Variants in NKAIN3 observed in about 807,000 individuals in gnomAD.
The protein encoded by NKAIN3 is sodium/potassium transporting ATPase interacting 3.
A neutral mutation model predicts 30.2 loss-of-function variants in NKAIN3; 25 were observed. The ratio of observed to expected loss-of-function variants is 0.83; its 90% CI spans 0.60 to 1.16. The LOEUF (loss-of-function observed/expected upper bound fraction) is 1.16, where lower values mean the gene tolerates loss of function less well. Ranked by LOEUF, NKAIN3 falls within the 50% of genes most tolerant of loss-of-function variation. The pLI is 0.00. For missense variants in NKAIN3, 225 were observed against 254.1 expected, an observed-to-expected ratio of 0.89 and a Z score of 0.78; for synonymous variants, 91 against 89.6, an observed-to-expected ratio of 1.02 and a Z score of -0.09.
intron 1 of NKAIN3, among the ~76,000 whole-genome samples, chr8:62,514,092 A>G (rs779435518): frequency 2.6e-5 from 4 of 152,076 alleles, no homozygotes; most frequent in Non-Finnish European, 5.9e-5. Context: ...TAAGACTAAC[A>G]GGAATCCTTG....
At position 62,331,014 on chromosome 8, in the gene NKAIN3, A is replaced by T. The variant is rs12547693; in HGVS notation, c.54+81887A>T. On this transcript the variant is annotated intron_variant, in intron 1 of 6. Transcript: ENST00000623646. ...TCTCTCTCTCTTTCTCTCTCTCTCT[A>T]TATATATGTATGTATCTCCCTTCCT... Among the ~76,000 whole-genome samples, 11 of 148,378 alleles carry T rather than the reference A, an allele frequency of 7.4e-5. 1 individual carries two copies. The highest frequency in any genetic ancestry group is 2.7e-4 in the African/African-American group (11 of 40,146).
At chr8:62,477,604 A>T (rs1806563163) in intron 1 of NKAIN3, among the ~76,000 whole-genome samples, 1 of 152,126 alleles carries the variant, frequency 6.6e-6, no homozygotes, top group African/African-American at 2.4e-5. Flanking sequence ...TTGCTAGGAG[A>T]TGAGGATGCT....
At chr8:62,519,132 A>C (rs1351326861) in intron 1 of NKAIN3, among the ~76,000 whole-genome samples, 1 of 152,178 alleles carries the variant, frequency 6.6e-6, no homozygotes, top group Non-Finnish European at 1.5e-5. Flanking sequence ...GCCTTCAGTG[A>C]GCTTCTAATA....
At chr8:62,881,185 C>T (rs756259721) in intron 4 of NKAIN3, among the ~76,000 whole-genome samples, 8 of 152,176 alleles carry the variant, frequency 5.3e-5, no homozygotes, top group Non-Finnish European at 8.8e-5. Context: ...TGACACTGTA[C>T]ATTCTATGGA....
intron 3 of NKAIN3, among the ~76,000 whole-genome samples, chr8:62,727,679 G>T (rs1019773605): frequency 6.6e-6 from 1 of 152,078 alleles, no homozygotes; most frequent in Non-Finnish European, 1.5e-5. Flanking sequence ...ACAAAATTCT[G>T]ATGAAAGAAA....
intron 2 of NKAIN3, among the ~76,000 whole-genome samples, chr8:62,580,770 C>T (rs771886450): frequency 3.3e-5 from 5 of 151,982 alleles, no homozygotes; most frequent in Non-Finnish European, 7.4e-5. Context: ...CAGGGTTAAA[C>T]AATTTCTGCT....
At chr8:62,364,848 A>AAAT (rs1816686755) in intron 1 of NKAIN3, among the ~76,000 whole-genome samples, 1 of 151,198 alleles carries the variant, frequency 6.6e-6, no homozygotes, top group South Asian at 2.1e-4. Flanking sequence ...AAAAAAAAAA[A>AAAT]AAATCATCTA....
At chr8:62,334,856 C>G (rs935650106) in intron 1 of NKAIN3, among the ~76,000 whole-genome samples, 12 of 151,992 alleles carry the variant, frequency 7.9e-5, no homozygotes, top group Admixed American at 4.6e-4. Context: ...CTCATTCTCC[C>G]TGTGTGCTCA....
At chr8:62,450,687 G>C (rs1275917311) in intron 1 of NKAIN3, among the ~76,000 whole-genome samples, 2 of 152,206 alleles carry the variant, frequency 1.3e-5, no homozygotes, top group Non-Finnish European at 2.9e-5. Context: ...AGCCCAGGCA[G>C]TGTAGCTCCA....
At chr8:62,282,902 G>C (rs951953840) in intron 1 of NKAIN3, among the ~76,000 whole-genome samples, 2 of 151,874 alleles carry the variant, frequency 1.3e-5, no homozygotes, top group African/African-American at 4.8e-5. Flanking sequence ...CCTCATTACT[G>C]TACTATGTAA....
intron 1 of NKAIN3, among the ~76,000 whole-genome samples, chr8:62,354,113 T>C (rs1816271076): frequency 6.6e-6 from 1 of 152,200 alleles, no homozygotes; most frequent in African/African-American, 2.4e-5. Context: ...CATGAATATC[T>C]CAAAGCTTTA....
At chr8:62,833,413 A>G (rs1179044525) in intron 4 of NKAIN3, among the ~76,000 whole-genome samples, 1 of 152,028 alleles carries the variant, frequency 6.6e-6, no homozygotes, top group Non-Finnish European at 1.5e-5. Context: ...AACAATAAAC[A>G]AGATTGACCA....
intron 4 of NKAIN3, among the ~76,000 whole-genome samples, chr8:62,819,316 A>G (rs1248118717): frequency 6.6e-6 from 1 of 151,864 alleles, no homozygotes; most frequent in Non-Finnish European, 1.5e-5. Flanking sequence ...TGTGGAAGAT[A>G]GATGACATAT....
intron 4 of NKAIN3, among the ~76,000 whole-genome samples, chr8:62,869,287 T>C (rs1820517789): frequency 6.6e-6 from 1 of 152,140 alleles, no homozygotes. Context: ...GCATTAGATA[T>C]TTGTCCTAAT....
At chr8:62,737,093 G>A (rs2130558997) in intron 3 of NKAIN3, among the ~76,000 whole-genome samples, 1 of 152,294 alleles carries the variant, frequency 6.6e-6, no homozygotes, top group Non-Finnish European at 1.5e-5. Context: ...CAAAGGGTCT[G>A]TGGATTCTCT....
intron 1 of NKAIN3, among the ~76,000 whole-genome samples, chr8:62,263,228 T>C (rs1206774415): frequency 6.6e-6 from 1 of 152,188 alleles, no homozygotes; most frequent in East Asian, 1.9e-4. Context: ...GTTTCCAAAA[T>C]CCTGGTTAAT....
intron 3 of NKAIN3, among the ~76,000 whole-genome samples, chr8:62,695,699 A>T (rs574801205): frequency 6.6e-6 from 1 of 152,314 alleles, no homozygotes; most frequent in East Asian, 1.9e-4. Flanking sequence ...TATGCTGTGC[A>T]CAATGCTAGC....
intron 3 of NKAIN3, among the ~76,000 whole-genome samples, chr8:62,661,497 G>T (rs1812942665): frequency 6.6e-6 from 1 of 152,180 alleles, no homozygotes; most frequent in Admixed American, 6.5e-5. Flanking sequence ...CCAAGAAGGT[G>T]GGGGAGATTT....
At chr8:62,254,217 G>A (rs976683691) in intron 1 of NKAIN3, among the ~76,000 whole-genome samples, 53 of 149,668 alleles carry the variant, frequency 3.5e-4, no homozygotes, top group Non-Finnish European at 1.0e-4. Context: ...TAGCAGATGT[G>A]TTTGGATACA....
Sources: gnomAD v4.1 joint callset for allele counts (sites outside exome capture counted in the v4.1 genomes callset) on GRCh38, gnomAD v4.1.1 for gene constraint, MANE v1.5 for transcripts, NCBI Gene and HGNC (gene_info 2026-07-23, HGNC 2026-07-21) for gene names.